TUFT1: variants seen among roughly 807,000 people sequenced by gnomAD.
The protein encoded by TUFT1 is tuftelin.
TUFT1 carries 43 observed loss-of-function variants against 57.8 expected under a neutral mutation model. That is an observed-to-expected ratio of 0.74 (90% CI 0.58 to 0.96). The LOEUF (loss-of-function observed/expected upper bound fraction) is 0.96, where lower values mean the gene tolerates loss of function less well. TUFT1 is among the 40% of genes least tolerant of loss of function. The pLI, the probability that TUFT1 is intolerant of heterozygous loss-of-function variation, is 0.00. For synonymous variants in TUFT1, 166 were observed against 176.7 expected (o/e 0.94, Z 0.48); for missense variants, 459 against 489.0 (o/e 0.94, Z 0.58).
intron 8 of TUFT1, among the ~76,000 whole-genome samples, 163 bp from the exon 9 acceptor site, chr1:151,574,745 TCTC>T (rs1666396758): frequency 6.6e-6 from 1 of 152,090 alleles, no homozygotes; most frequent in Admixed American, 6.5e-5. Context: ...TGGGAAGGGT[TCTC>T]CTCATCAAGG....
intron 1 of TUFT1, among the ~76,000 whole-genome samples, chr1:151,543,472 A>G (rs1185399571): frequency 1.3e-5 from 2 of 152,138 alleles, no homozygotes; most frequent in Non-Finnish European, 2.9e-5. Context: ...AAGAACAAAT[A>G]AACACCAAAC....
At chr1:151,555,434 C>T (rs1665659167) in intron 1 of TUFT1, among the ~76,000 whole-genome samples, 1 of 149,748 alleles carries the variant, frequency 6.7e-6, no homozygotes, top group Non-Finnish European at 1.5e-5. Context: ...TCTTTTTGTC[C>T]CTGCAAGTAC....
At chr1:151,557,783 TG>T in intron 1 of TUFT1, 1 of 761,278 alleles carries the variant, frequency 1.3e-6, no homozygotes, top group Non-Finnish European at 2.4e-6. Context: ...GTGAGCGACC[TG>T]CAAGACTCAC....
intron 1 of TUFT1, among the ~76,000 whole-genome samples, chr1:151,557,034 A>G (rs1046001672): frequency 6.6e-6 from 1 of 152,086 alleles, no homozygotes; most frequent in Non-Finnish European, 1.5e-5. Flanking sequence ...TCTGTTTTTC[A>G]TTTATCTGTT....
chr1:151,581,835 C>A lies in TUFT1; in HGVS notation c.*128C>A. 1.1e-6 allele frequency: 1 copy of A among 945,472 alleles called. No homozygotes were observed. The allele number at this position is 945,472 out of a possible 1,614,324, so 58.6% of individuals were successfully genotyped here. A position where few individuals can be genotyped will look rare whatever the true frequency, so the allele number is the denominator to read the frequency against. On this transcript the variant is annotated 3_prime_UTR_variant, in exon 13 of 13. Coordinates refer to ENST00000368849, the MANE Select transcript of TUFT1 (RefSeq NM_020127.3). ...TGGCTGCACCCAGGACTTCGGGCTCCTGTGTCTCACCATTCCCAAGCCCCT... is the reference window on the plus strand; with the variant it reads ...TGGCTGCACCCAGGACTTCGGGCTCATGTGTCTCACCATTCCCAAGCCCCT...
At chr1:151,562,317 G>A in intron 2 of TUFT1, 152 bp downstream of exon 2, 1 of 720,358 alleles carries the variant, frequency 1.4e-6, no homozygotes, top group Non-Finnish European at 2.4e-6. Context: ...TCAGCCTTCT[G>A]CACTGCTTTG....
intron 7 of TUFT1, 43 bp from the exon 8 acceptor site, chr1:151,574,227 C>A: frequency 6.3e-7 from 1 of 1,578,304 alleles, no homozygotes; most frequent in Non-Finnish European, 8.6e-7. Flanking sequence ...CATGTTTGCT[C>A]TTTTTTCCAC....
Position 151,562,134 on chromosome 1 carries a change from C to T in TUFT1, c.104C>T (p.Thr35Ile). ...AGGCTGACTCTCCAGGGTGAACTGA[C>T]AGGAGATGAACTTGAACACATAGCC... ...ILRLTLQGEL[T>I]GDELEHIAQK... The change falls in exon 2 of 13, where the codon ACA (threonine) becomes ATA (isoleucine). Residue 35 changes from threonine to isoleucine, a missense_variant. Thr to Ile is a moderately conservative substitution (Grantham distance 89). Coordinates refer to ENST00000368849, the MANE Select transcript of TUFT1 (RefSeq NM_020127.3). 6.2e-7 allele frequency: 1 copy of T among 1,614,168 alleles called. No homozygotes were observed. Among genetic ancestry groups the T allele is most frequent in the South Asian group, 1.1e-5 (1 of 91,078 alleles).
intron 1 of TUFT1, among the ~76,000 whole-genome samples, chr1:151,542,662 G>C (rs554602174): frequency 1.7e-4 from 26 of 152,214 alleles, no homozygotes; most frequent in Non-Finnish European, 3.2e-4. Context: ...GAGACCTCTA[G>C]AGCAAGGGAG....
chr1:151,547,336 A>G (rs1251982103), intron 1 of TUFT1, among the ~76,000 whole-genome samples: 1 of 152,174 alleles, frequency 6.6e-6, no homozygotes, highest in Non-Finnish European at 1.5e-5. Flanking sequence ...GTGCACCCAG[A>G]TGGTTTCAGT....
intron 6 of TUFT1, 55 bp downstream of exon 6, chr1:151,566,283 C>G: frequency 7.1e-7 from 1 of 1,413,080 alleles, no homozygotes; most frequent in Non-Finnish European, 9.9e-7. Flanking sequence ...AGGATTGCCT[C>G]CTCCCCATCC....
chr1:151,581,614 A>G lies in TUFT1; in HGVS notation c.1110-30A>G, dbSNP rs1237023137. On this transcript the variant is annotated intron_variant, in intron 12 of 12. Coordinates refer to ENST00000368849, the MANE Select transcript of TUFT1 (RefSeq NM_020127.3). The stretch of plus-strand genomic sequence containing the variant: ...GGGCCACAACACAGCTGTTCCCAGC[A>G]CAACTCAGTGTTTCCAACCTTCTTT... The G allele has an allele frequency of 1.2e-6, 2 of 1,612,622 alleles. 1 individual carries two copies. The highest frequency in any genetic ancestry group is 2.7e-5 in the African/African-American group (2 of 74,882).
chr1:151,568,485 A>G (rs1666149359), intron 6 of TUFT1, among the ~76,000 whole-genome samples: 1 of 152,240 alleles, frequency 6.6e-6, no homozygotes. Context: ...GTTATATCAT[A>G]TGATGAAATA....
At chr1:151,550,879 A>G (rs1665487267) in intron 1 of TUFT1, among the ~76,000 whole-genome samples, 1 of 152,162 alleles carries the variant, frequency 6.6e-6, no homozygotes, top group Non-Finnish European at 1.5e-5. Flanking sequence ...GTGAGGCATG[A>G]TCATGCCACT....
At chr1:151,556,811 A>G (rs1374279839) in intron 1 of TUFT1, among the ~76,000 whole-genome samples, 7 of 152,134 alleles carry the variant, frequency 4.6e-5, no homozygotes, top group Admixed American at 4.6e-4. Context: ...CTATATTAAC[A>G]TATAAAAATT....
At chr1:151,542,070 A>G (rs941500626) in intron 1 of TUFT1, among the ~76,000 whole-genome samples, 4 of 152,184 alleles carry the variant, frequency 2.6e-5, no homozygotes, top group African/African-American at 9.7e-5. Context: ...TGAGATAAAT[A>G]AAGGAGAGGG....
intron 8 of TUFT1, 35 bp from the exon 9 acceptor site, chr1:151,574,876 T>G (rs767312549): frequency 3.9e-6 from 6 of 1,535,422 alleles, no homozygotes; most frequent in Admixed American, 3.9e-5. Context: ...TGTTGCCATC[T>G]TCTCATCCTA....
rs369972821 is a variant in TUFT1, at chr1:151,581,022, C to T, written c.1089C>T (p.Ala363=). ...GCAACTTCAGCACCCAGGCCCGGGC[C>T]AAGACAGAGAACCCGGGCAGGTGAG... ...SHGNFSTQAR[A]KTENPGSIRI... is the part of the protein sequence containing the mutation. Residue 363 remains alanine (A), a synonymous_variant, in exon 12 of 13, where the codon GCC becomes GCT. Coordinates refer to ENST00000368849, the MANE Select transcript of TUFT1 (RefSeq NM_020127.3). 1 of 1,613,970 alleles carries T rather than the reference C, an allele frequency of 6.2e-7. No homozygotes were observed. Among genetic ancestry groups the T allele is most frequent in the East Asian group, 2.2e-5 (1 of 44,856 alleles).
At chr1:151,575,073 G>C in intron 9 of TUFT1, 68 bp downstream of exon 9, 1 of 1,391,356 alleles carries the variant, frequency 7.2e-7, no homozygotes, top group South Asian at 1.3e-5. Context: ...CATACAGCCT[G>C]TTGCTCCTGT....
Sources: allele counts gnomAD v4.1 joint callset (sites outside exome capture counted in the v4.1 genomes callset), GRCh38; gene constraint gnomAD v4.1.1; transcripts MANE v1.5; gene names NCBI Gene and HGNC (gene_info 2026-07-23, HGNC 2026-07-21).